YY1: variants seen among roughly 807,000 people sequenced by gnomAD.
YY1 encodes transcriptional repressor protein YY1.
A neutral mutation model predicts 35.6 loss-of-function variants in YY1; 2 were observed. That is an observed-to-expected ratio of 0.06 (90% CI 0.02 to 0.18). The LOEUF is 0.18. Ranked by LOEUF, YY1 falls within the 10% of genes least tolerant of loss-of-function variation. The pLI is 1.00. For synonymous variants in YY1, 268 were observed against 238.9 expected (o/e 1.12, Z -1.12); for missense variants, 322 against 573.4 (o/e 0.56, Z 4.48).
chr14:100,262,185 A>C, intron 1 of YY1, 119 bp from the exon 2 acceptor site: 1 of 1,057,500 alleles, frequency 9.5e-7, no homozygotes. Flanking sequence ...GGGAGAGGGG[A>C]GAACAAATTG....
At chr14:100,246,715 A>G (rs1890838804) in intron 1 of YY1, among the ~76,000 whole-genome samples, 1 of 152,178 alleles carries the variant, frequency 6.6e-6, no homozygotes, top group Non-Finnish European at 1.5e-5. Flanking sequence ...TTTGCCAAAA[A>G]TCACTAGTCA....
intron 1 of YY1, among the ~76,000 whole-genome samples, chr14:100,254,676 C>G (rs911622574): frequency 6.6e-6 from 1 of 152,066 alleles, no homozygotes; most frequent in Non-Finnish European, 1.5e-5. Flanking sequence ...GGGCTGGTCT[C>G]GAACTCCTGA....
chr14:100,260,078 TTTTGTTTG>T (rs201681273), intron 1 of YY1, among the ~76,000 whole-genome samples: 57 of 152,006 alleles, frequency 3.7e-4, no homozygotes, highest in Admixed American at 1.8e-3. Context: ...GACTGGTGTT[TTTTGTTTG>T]TTTGTTTGTT....
At chr14:100,259,236 T>C (rs1374504317) in intron 1 of YY1, among the ~76,000 whole-genome samples, 2 of 152,182 alleles carry the variant, frequency 1.3e-5, no homozygotes, top group African/African-American at 2.4e-5. Flanking sequence ...CTGCTCTACC[T>C]TAAGAGGCAA....
rs774336349 is a variant in YY1 at position 100,274,714 on chromosome 14, A to C, written c.859A>C (p.Ile287Leu). The change falls in exon 3 of 5, where the codon ATT becomes CTT. Residue 287 changes from isoleucine to leucine, a missense_variant. By Grantham distance (5) the Ile-to-Leu change is conservative. Transcript: ENST00000262238. The part of the protein sequence containing the change: ...AEFARMKPRK[I>L]KEDDAPRTIA... ...TTTGATAAGAATGAAGCCAAGAAAA[A>C]TTAAAGAAGATGATGCTCCAAGAAC... The C allele has an allele frequency of 6.2e-7, 1 of 1,614,108 alleles. No homozygotes were observed.
chr14:100,256,062 A>G (rs1260474042), intron 1 of YY1, among the ~76,000 whole-genome samples: 1 of 151,978 alleles, frequency 6.6e-6, no homozygotes, highest in East Asian at 1.9e-4. Flanking sequence ...ACTTGAGTCC[A>G]GGAGTTTGAG....
At chr14:100,265,868 T>G (rs578082527) in intron 2 of YY1, among the ~76,000 whole-genome samples, 12 of 152,160 alleles carry the variant, frequency 7.9e-5, no homozygotes, top group Non-Finnish European at 1.5e-4. Context: ...AGGCTGGTCT[T>G]GAACTCCTAA....
chr14:100,254,749 G>A (rs187775117), intron 1 of YY1, among the ~76,000 whole-genome samples: 2 of 150,608 alleles, frequency 1.3e-5, no homozygotes, highest in Admixed American at 6.7e-5. Flanking sequence ...GAGCCACCAT[G>A]CCTAGCCTAT....
chr14:100,256,257 C>G (rs1049302530), intron 1 of YY1, among the ~76,000 whole-genome samples: 1 of 152,180 alleles, frequency 6.6e-6, no homozygotes, highest in East Asian at 1.9e-4. Context: ...TGAGGTCTGC[C>G]CATTAGATTT....
chr14:100,239,723 G>A lies in YY1; in HGVS notation c.479G>A (p.Gly160Asp). 1 of 1,597,338 alleles carries A rather than the reference G, an allele frequency of 6.3e-7. No individual in the cohort carries two copies. The highest frequency in any genetic ancestry group is 8.5e-7 in the Non-Finnish European group (1 of 1,176,282). Residue 160 changes from glycine to aspartate, a missense_variant, in exon 1 of 5, where the codon GGC (glycine) becomes GAC (aspartate). Around this residue, in one of 4 missense-constraint regions of YY1, gnomAD observed 152 missense variants for 167.1 expected, o/e 0.91. Coordinates refer to ENST00000262238, the MANE Select transcript of YY1 (RefSeq NM_003403.5). Reference protein sequence around the residue: ...LVTVAAAGKSGGGGSSSSGGG... With the variant: ...LVTVAAAGKSDGGGSSSSGGG... The stretch of plus-strand genomic sequence containing the variant: ...ACCGTGGCGGCGGCCGGCAAGAGCG[G>A]CGGCGGCGGCTCGTCGTCGTCGGGA...
chr14:100,276,379 G>C lies in YY1; in HGVS notation c.904-111G>C. 2.8e-6 allele frequency: 4 copies of C among 1,416,440 alleles called. No individual in the cohort carries two copies. The highest frequency in any genetic ancestry group is 3.9e-6 in the Non-Finnish European group (4 of 1,019,890). 87.7% of individuals were successfully genotyped at this position (1,416,440 alleles called of 1,614,324 possible). A position where few individuals can be genotyped will look rare whatever the true frequency, so the allele number is the denominator to read the frequency against. ...CGTAATACTAAGTAAAATTAAAATG[G>C]GGGGTTGGGGAGGTGGTTTTGTTTT... is the stretch of plus-strand genomic sequence containing the variant. On this transcript the variant is annotated intron_variant, in intron 3 of 4. Transcript: ENST00000262238. The surrounding 1 kb of genome is among the most constrained non-coding windows in gnomAD (Gnocchi z 4.1).
In YY1 at chr14:100,277,892, A is replaced by G. The variant is rs1332809655; in HGVS notation, c.*292A>G. ...ATTCATGAACTTCGCATCAAAAGAC[A>G]ATTCTTTATACAACAGTGCTAAAAA... On this transcript the variant is annotated 3_prime_UTR_variant, in exon 5 of 5. Coordinates refer to ENST00000262238, the MANE Select transcript of YY1 (RefSeq NM_003403.5). This position sits in a 1 kb window ranked among gnomAD's most constrained non-coding sequence, Gnocchi z 5.6. The G allele has an allele frequency of 2.6e-6, 1 of 386,918 alleles. No homozygotes were observed. The highest frequency in any genetic ancestry group is 4.7e-6 in the Non-Finnish European group (1 of 211,596). The allele number at this position is 386,918 out of a possible 1,614,324, so 24.0% of individuals were successfully genotyped here.
At chr14:100,266,806 A>T (rs925478927) in intron 2 of YY1, among the ~76,000 whole-genome samples, 4 of 152,222 alleles carry the variant, frequency 2.6e-5, no homozygotes, top group Admixed American at 1.3e-4. Context: ...ACATAGAGTT[A>T]TTGATCCAGC....
chr14:100,248,121 C>CTTTCTTT (rs1555369345), intron 1 of YY1, among the ~76,000 whole-genome samples: 13 of 117,660 alleles, frequency 1.1e-4, no homozygotes, highest in African/African-American at 3.8e-4. Context: ...ATTTTTTTTT[C>CTTTCTTT]TTTTTTTTTT....
chr14:100,274,869 A>C, intron 3 of YY1, 111 bp downstream of exon 3: 3 of 1,089,274 alleles, frequency 2.8e-6, no homozygotes, highest in South Asian at 2.7e-5. Context: ...GAAGCAAGGA[A>C]TTAGAATCTT....
intron 1 of YY1, among the ~76,000 whole-genome samples, chr14:100,241,990 G>GGGC (rs775874424): frequency 3.3e-5 from 4 of 120,964 alleles, no homozygotes; most frequent in Non-Finnish European, 3.6e-5. Flanking sequence ...GGGGGGGGGG[G>GGGC]CATTTTTTTT....
chr14:100,250,481 G>A (rs1041432540), intron 1 of YY1, among the ~76,000 whole-genome samples: 3 of 151,898 alleles, frequency 2.0e-5, no homozygotes, highest in Non-Finnish European at 2.9e-5. Flanking sequence ...AGTTGGTGAA[G>A]GTGAATATAG....
chr14:100,243,990 G>C (rs1398794579), intron 1 of YY1, among the ~76,000 whole-genome samples: 1 of 151,646 alleles, frequency 6.6e-6, no homozygotes, highest in South Asian at 2.1e-4. Flanking sequence ...TGCCTGTAGT[G>C]CCAGCTACTC....
At chr14:100,262,988 A>G (rs1891105250) in intron 2 of YY1, among the ~76,000 whole-genome samples, 1 of 151,678 alleles carries the variant, frequency 6.6e-6, no homozygotes, top group Admixed American at 6.6e-5. Flanking sequence ...GCTCACTGCA[A>G]CCTCCACCTC....
Sources: gnomAD v4.1 joint callset for allele counts (sites outside exome capture counted in the v4.1 genomes callset) on GRCh38, gnomAD v4.1.1 for gene constraint, gnomAD v4.1.1 regional missense constraint, Gnocchi (gnomAD v3.1) non-coding constraint, MANE v1.5 for transcripts, NCBI Gene and HGNC (gene_info 2026-07-23, HGNC 2026-07-21) for gene names.